SNTN: variants seen among roughly 807,000 people sequenced by gnomAD.
SNTN encodes sentan, cilia apical structure protein.
SNTN carries 13 observed loss-of-function variants against 12.3 expected under a neutral mutation model. The ratio of observed to expected loss-of-function variants is 1.05; its 90% CI spans 0.69 to 1.67. SNTN has a LOEUF of 1.67. Among genes scored for constraint, SNTN ranks in the 40% most tolerant of loss-of-function variants. SNTN has a pLI of 0.00. For synonymous variants in SNTN, 69 were observed against 58.5 expected, an observed-to-expected ratio of 1.18 and a Z score of -0.82; for missense variants, 189 against 169.8, an observed-to-expected ratio of 1.11 and a Z score of -0.63.
chr3:63,659,897 A>C (rs760173288), intron 3 of SNTN, 33 bp downstream of exon 3: 6 of 1,612,728 alleles, frequency 3.7e-6, no homozygotes, highest in Non-Finnish European at 5.1e-6. Flanking sequence ...AGAAACAGAA[A>C]CTACACCCTC....
At position 63,659,895 on chromosome 3, in the gene SNTN, A is replaced by C; in HGVS notation, c.285+31A>C. On this transcript the variant is annotated intron_variant, in intron 3 of 3. Coordinates refer to ENST00000343837, the MANE Select transcript of SNTN (RefSeq NM_001080537.2). ...AGAATTAACTTGCATAAAGAAACAG[A>C]AACTACACCCTCATGGCTGACCCAA... 1.9e-6 allele frequency: 3 copies of C among 1,613,022 alleles called. No homozygotes were observed. In the South Asian group the frequency reaches 3.3e-5, roughly 18 times the overall value.
rs779911256 is a variant in SNTN, at chr3:63,652,692, G to A, written c.5G>A (p.Gly2Asp). The A allele has an allele frequency of 2.5e-6, 4 of 1,613,542 alleles. No homozygotes were observed. The Admixed American group carries it at 6.7e-5, about 27-fold the overall frequency. ...CACAAAACAGAAGATGAGAGAATGG[G>A]TGGCTGTATGCACAGTACCCAGGAC... Reference protein sequence around the residue: MGGCMHSTQDKS... With the variant: MDGCMHSTQDKS... The change falls in exon 1 of 4, where the codon GGT (glycine) becomes GAT (aspartate). Residue 2 changes from glycine (G) to aspartate (D), a missense_variant. Transcript: ENST00000343837.
At chr3:63,654,871 T>C (rs1459409406) in intron 2 of SNTN, 75 bp downstream of exon 2, 7 of 1,325,698 alleles carry the variant, frequency 5.3e-6, no homozygotes, top group African/African-American at 2.9e-5. Flanking sequence ...AAAAAAATAA[T>C]AGGACATCAA....
chr3:63,662,810 A>C (rs1450387125), intron 3 of SNTN, among the ~76,000 whole-genome samples: 1 of 152,224 alleles, frequency 6.6e-6, no homozygotes, highest in African/African-American at 2.4e-5. Flanking sequence ...TTGGGAACAA[A>C]CTAAATGCAA....
chr3:63,662,837 T>A (rs1005576285), intron 3 of SNTN, among the ~76,000 whole-genome samples: 1 of 152,204 alleles, frequency 6.6e-6, no homozygotes, highest in African/African-American at 2.4e-5. Flanking sequence ...TTCAATATAA[T>A]GGTGAATCAA....
chr3:63,659,769 G>GCT lies in SNTN; in HGVS notation c.193_194dup (p.Ile66Ter). 6.2e-7 allele frequency: 1 copy of GCT among 1,613,942 alleles called. No homozygotes were observed. The highest frequency in any genetic ancestry group is 8.5e-7 in the Non-Finnish European group (1 of 1,179,898). On this transcript the variant is annotated frameshift_variant, in exon 3 of 4. Coordinates refer to ENST00000343837, the MANE Select transcript of SNTN (RefSeq NM_001080537.2). LOFTEE classifies it high-confidence loss of function. ...TCTGGAAAAAGCTATTGCCACCACT[G>GCT]CTCTGATTTTCAGAAATTCTTCTGA...
chr3:63,663,899 A>T (rs1700770724), intron 3 of SNTN, 38 bp from the exon 4 acceptor site: 2 of 1,599,012 alleles, frequency 1.3e-6, no homozygotes, highest in African/African-American at 2.7e-5. Flanking sequence ...CCTAAAGTCT[A>T]TACAACGAAT....
intron 1 of SNTN, among the ~76,000 whole-genome samples, chr3:63,653,100 G>A (rs1306203470): frequency 6.6e-6 from 1 of 152,192 alleles, no homozygotes; most frequent in Non-Finnish European, 1.5e-5. Context: ...GCACAACAGA[G>A]AGAAATTGTT....
At chr3:63,659,596 T>C in intron 2 of SNTN, 129 bp from the exon 3 acceptor site, 1 of 994,066 alleles carries the variant, frequency 1.0e-6, no homozygotes, top group Non-Finnish European at 1.5e-6. Context: ...CACATCCTTC[T>C]CCCAGATAGG....
At position 63,659,880 on chromosome 3, in the gene SNTN, T is replaced by G. The variant is rs1700725041; in HGVS notation, c.285+16T>G. On this transcript the variant is annotated intron_variant, in intron 3 of 3. Coordinates refer to ENST00000343837, the MANE Select transcript of SNTN (RefSeq NM_001080537.2). ...TTTCGCAGAGGTGAGAGAATTAACT[T>G]GCATAAAGAAACAGAAACTACACCC... The G allele has an allele frequency of 6.2e-7, 1 of 1,613,384 alleles. No individual in the cohort carries two copies. Among genetic ancestry groups the G allele is most frequent in the Non-Finnish European group, 8.5e-7 (1 of 1,179,776 alleles).
At chr3:63,663,878 T>C (rs1323815441) in intron 3 of SNTN, 59 bp from the exon 4 acceptor site, 4 of 1,546,708 alleles carry the variant, frequency 2.6e-6, no homozygotes, top group African/African-American at 1.4e-5. Flanking sequence ...TTATTGTTTA[T>C]GATCTGTAAA....
chr3:63,655,303 G>GA (rs1366542902), intron 2 of SNTN, among the ~76,000 whole-genome samples: 1 of 151,986 alleles, frequency 6.6e-6, no homozygotes, highest in South Asian at 2.1e-4. Flanking sequence ...AACAATGTAA[G>GA]AAAAAAACGC....
chr3:63,664,115 A>T lies in SNTN; in HGVS notation c.*20A>T, dbSNP rs762077540. The T allele has an allele frequency of 3.2e-6, 5 of 1,567,052 alleles. No homozygotes were observed. The highest frequency in any genetic ancestry group is 4.3e-6 in the Non-Finnish European group (5 of 1,154,134). Reference sequence around the variant, plus strand: ...AAATGAACAGTTTTAAATATGCTGTATAAAATAATGGCAAAAGACAGTGTT... The same window carrying T: ...AAATGAACAGTTTTAAATATGCTGTTTAAAATAATGGCAAAAGACAGTGTT... On this transcript the variant is annotated 3_prime_UTR_variant, in exon 4 of 4. Coordinates refer to ENST00000343837, the MANE Select transcript of SNTN (RefSeq NM_001080537.2).
Position 63,664,172 on chromosome 3 carries a change from T to G in SNTN, c.*77T>G. The stretch of plus-strand genomic sequence containing the variant: ...ATGTTTCCATCTTATTTTTGATTAA[T>G]TGAATATATCTATCATGCATCTGAA... On this transcript the variant is annotated 3_prime_UTR_variant, in exon 4 of 4. Transcript: ENST00000343837. 7.3e-7 allele frequency: 1 copy of G among 1,369,844 alleles called. No homozygotes were observed. Among genetic ancestry groups the G allele is most frequent in the Non-Finnish European group, 9.8e-7 (1 of 1,018,226 alleles). 84.9% of individuals were successfully genotyped at this position (1,369,844 alleles called of 1,614,324 possible). A position where few individuals can be genotyped will look rare whatever the true frequency, so the allele number is the denominator to read the frequency against.
chr3:63,654,694 C>T (rs1700656554), intron 1 of SNTN, 68 bp from the exon 2 acceptor site: 1 of 1,343,066 alleles, frequency 7.4e-7, no homozygotes, highest in African/African-American at 1.4e-5. Flanking sequence ...TTATATTGCT[C>T]TGCTATAGAT....
chr3:63,664,160 AT>A lies in SNTN; in HGVS notation c.*70del. ...AGTGTTATTAAAATGTTTCCATCTT[AT>A]TTTTGATTAATTGAATATATCTATC... is the stretch of plus-strand genomic sequence containing the variant. On this transcript the variant is annotated 3_prime_UTR_variant, in exon 4 of 4. Coordinates refer to ENST00000343837, the MANE Select transcript of SNTN (RefSeq NM_001080537.2). 7.0e-7 allele frequency: 1 copy of A among 1,424,966 alleles called. No individual in the cohort carries two copies. Among genetic ancestry groups the A allele is most frequent in the African/African-American group, 1.4e-5 (1 of 69,228 alleles). 88.3% of individuals were successfully genotyped at this position (1,424,966 alleles called of 1,614,324 possible).
intron 3 of SNTN, among the ~76,000 whole-genome samples, chr3:63,662,464 G>A (rs1700753035): frequency 1.3e-5 from 2 of 152,206 alleles, no homozygotes; most frequent in South Asian, 2.1e-4. Context: ...AAGGTGACAG[G>A]TCATGCCCCA....
rs1700632540 is a variant in SNTN at position 63,652,706 on chromosome 3, A to C, written c.19A>C (p.Ser7Arg). 7 of 1,613,866 alleles carry C rather than the reference A, an allele frequency of 4.3e-6. No individual in the cohort carries two copies. Among genetic ancestry groups the C allele is most frequent in the Non-Finnish European group, 5.9e-6 (7 of 1,179,934 alleles). ...TGAGAGAATGGGTGGCTGTATGCAC[A>C]GTACCCAGGACAAATCTCTCCACTT... MGGCMHSTQDKSLHLEG... is the reference protein window; with the variant it reads MGGCMHRTQDKSLHLEG... The change falls in exon 1 of 4, where the codon AGT (serine) becomes CGT (arginine). Residue 7 changes from serine to arginine, a missense_variant. Physicochemically the swap from Ser to Arg is moderately radical, Grantham distance 110. Transcript: ENST00000343837.
At chr3:63,660,747 C>A (rs1495913) in intron 3 of SNTN, among the ~76,000 whole-genome samples, 1 of 151,906 alleles carries the variant, frequency 6.6e-6, no homozygotes, top group Non-Finnish European at 1.5e-5. Flanking sequence ...GAGGAGATGG[C>A]GAGTTTCATT....
Sources: allele counts gnomAD v4.1 joint callset (sites outside exome capture counted in the v4.1 genomes callset), GRCh38; gene constraint gnomAD v4.1.1; transcripts MANE v1.5; gene names NCBI Gene and HGNC (gene_info 2026-07-23, HGNC 2026-07-21).